Variants in CRPPA observed in about 807,000 individuals in gnomAD.
The protein encoded by CRPPA is D-ribitol-5-phosphate cytidylyltransferase.
In CRPPA, 43 loss-of-function variants were observed where a neutral mutation model predicts 52.0. The observed-to-expected ratio is 0.83, with a 90% CI of 0.65 to 1.07. CRPPA has a LOEUF of 1.07. Ranked by LOEUF, CRPPA falls within the 50% of genes least tolerant of loss-of-function variation. The probability of loss-of-function intolerance (pLI) is 0.00; values close to 1 mark genes in which losing one functional copy is unlikely to be tolerated. For synonymous variants in CRPPA, 250 were observed against 203.5 expected, an observed-to-expected ratio of 1.23 and a Z score of -1.94; for missense variants, 629 against 551.7, an observed-to-expected ratio of 1.14 and a Z score of -1.40.
intron 3 of CRPPA, among the ~76,000 whole-genome samples, chr7:16,333,149 G>T (rs973858291): frequency 6.6e-6 from 1 of 152,110 alleles, no homozygotes; most frequent in African/African-American, 2.4e-5. Flanking sequence ...ATAACTAGAT[G>T]AATAAACTGT....
At chr7:16,154,268 G>A (rs1783131571) in intron 9 of CRPPA, among the ~76,000 whole-genome samples, 1 of 152,096 alleles carries the variant, frequency 6.6e-6, no homozygotes, top group Non-Finnish European at 1.5e-5. Flanking sequence ...GGCAGAGCGT[G>A]CAGGTTTGTT....
At position 16,119,444 on chromosome 7, in the gene CRPPA, C is replaced by T. The variant is rs369542196; in HGVS notation, c.1252-27645G>A. ...AACAGCTAAGAAATAAAAAAACAAA[C>T]AAAAAAGAAAGCAAAAAATAAGGTG... On this transcript the variant is annotated intron_variant, in intron 9 of 9. Coordinates refer to ENST00000407010, the MANE Select transcript of CRPPA (RefSeq NM_001101426.4). 2.0e-5 allele frequency among the ~76,000 whole-genome samples: 3 copies of T among 150,086 alleles called. No homozygotes were observed. In the East Asian group the frequency reaches 6.0e-4, roughly 30 times the overall value.
Position 16,090,734 on chromosome 7 carries a change from AAAAT to A in CRPPA, c.*957_*960del, listed in dbSNP as rs1393026068. On this transcript the variant is annotated 3_prime_UTR_variant, in exon 10 of 10. Coordinates refer to ENST00000407010, the MANE Select transcript of CRPPA (RefSeq NM_001101426.4). The stretch of plus-strand genomic sequence containing the variant: ...ACTGCATTTCAAAACAATAAAAAAT[AAAAT>A]AAATAGAGTAAGTGTATGTATAGAT... The A allele has an allele frequency of 6.6e-6, 1 of 152,220 alleles. No individual in the cohort carries two copies. Among genetic ancestry groups the A allele is most frequent in the Non-Finnish European group, 1.5e-5 (1 of 68,014 alleles). The allele number at this position is 152,220 out of a possible 1,614,324, so 9.4% of individuals were successfully genotyped here.
chr7:16,262,007 T>C (rs1452896355), intron 6 of CRPPA: 1 of 152,168 alleles, frequency 6.6e-6, no homozygotes, highest in Non-Finnish European at 1.5e-5. Context: ...TATATGAGGT[T>C]GGACTATCCT....
At chr7:16,311,650 G>A (rs1457673850) in intron 3 of CRPPA, among the ~76,000 whole-genome samples, 1 of 152,098 alleles carries the variant, frequency 6.6e-6, no homozygotes, top group East Asian at 1.9e-4. Flanking sequence ...GGGTTTTAAT[G>A]TGGACATAAC....
At chr7:16,266,749 G>C (rs1355867086) in intron 6 of CRPPA, among the ~76,000 whole-genome samples, 1 of 152,128 alleles carries the variant, frequency 6.6e-6, no homozygotes, top group Admixed American at 6.5e-5. Flanking sequence ...AAAGTGCTGG[G>C]ATTACAGGCA....
chr7:16,311,164 A>G (rs976937536), intron 3 of CRPPA, among the ~76,000 whole-genome samples: 2 of 152,128 alleles, frequency 1.3e-5, no homozygotes, highest in East Asian at 3.9e-4. Flanking sequence ...TAGCATCAAT[A>G]AACCTACATT....
At position 16,299,798 on chromosome 7, in the gene CRPPA, C is replaced by G. The variant is rs74347979; in HGVS notation, c.835+1623G>C. ...AAAAGCCATTTCTGCAAACAATTTCCAAAGTCATAGCCCCTGCAATAACAC... is the reference window on the plus strand; with the variant it reads ...AAAAGCCATTTCTGCAAACAATTTCGAAAGTCATAGCCCCTGCAATAACAC... On this transcript the variant is annotated intron_variant, in intron 5 of 9. Transcript: ENST00000407010. Among the ~76,000 whole-genome samples, 552 of 152,224 alleles carry G rather than the reference C, an allele frequency of 3.6e-3. 21 individuals carry two copies. The East Asian group carries it at 0.087, about 24-fold the overall frequency.
chr7:16,121,443 A>G (rs1385885313), intron 9 of CRPPA, among the ~76,000 whole-genome samples: 1 of 152,098 alleles, frequency 6.6e-6, no homozygotes, highest in Non-Finnish European at 1.5e-5. Context: ...TATGTTTACA[A>G]TGTGAATACA....
At chr7:16,353,478 A>G (rs536506242) in intron 3 of CRPPA, among the ~76,000 whole-genome samples, 17 of 152,338 alleles carry the variant, frequency 1.1e-4, no homozygotes, top group Non-Finnish European at 2.2e-4. Flanking sequence ...CAAGAGGAAG[A>G]ACTTCTGGTG....
At chr7:16,156,715 C>T (rs2128380609) in intron 9 of CRPPA, among the ~76,000 whole-genome samples, 1 of 152,258 alleles carries the variant, frequency 6.6e-6, no homozygotes, top group Admixed American at 6.5e-5. Context: ...GCAAGAAATC[C>T]AGTCTTCATG....
At chr7:16,324,981 A>G (rs937973505) in intron 3 of CRPPA, among the ~76,000 whole-genome samples, 1 of 152,186 alleles carries the variant, frequency 6.6e-6, no homozygotes, top group African/African-American at 2.4e-5. Flanking sequence ...GTTTCTTGTC[A>G]TTCCCTGCCT....
chr7:16,118,634 T>C (rs1351227307), intron 9 of CRPPA, among the ~76,000 whole-genome samples: 3 of 152,158 alleles, frequency 2.0e-5, no homozygotes, highest in Non-Finnish European at 2.9e-5. Flanking sequence ...TAGGACTGCC[T>C]GGGATTCCTT....
At chr7:16,279,507 C>T (rs778415295) in intron 5 of CRPPA, among the ~76,000 whole-genome samples, 3 of 151,904 alleles carry the variant, frequency 2.0e-5, no homozygotes, top group Non-Finnish European at 4.4e-5. Flanking sequence ...GGATTCAAAT[C>T]CAAAAAAATA....
intron 6 of CRPPA, among the ~76,000 whole-genome samples, chr7:16,265,382 G>A (rs1052437336): frequency 7.9e-5 from 12 of 152,186 alleles, no homozygotes; most frequent in African/African-American, 2.9e-4. Flanking sequence ...AAAAGGACTG[G>A]TGCTTCCCTC....
At chr7:16,391,850 A>T (rs1044293203) in intron 2 of CRPPA, among the ~76,000 whole-genome samples, 1 of 152,182 alleles carries the variant, frequency 6.6e-6, no homozygotes, top group African/African-American at 2.4e-5. Flanking sequence ...TCTTAGAGAT[A>T]CTGATTAGGC....
rs1387328554 is a variant in CRPPA, at chr7:16,089,618, T to C, written c.*2077A>G. On this transcript the variant is annotated 3_prime_UTR_variant, in exon 10 of 10. Coordinates refer to ENST00000407010, the MANE Select transcript of CRPPA (RefSeq NM_001101426.4). The stretch of plus-strand genomic sequence containing the variant: ...ATACATATATATGGGTATACATACA[T>C]GTATATGTATGTATGTATTTTTTTT... 9.6e-6 allele frequency: 2 copies of C among 208,720 alleles called. No individual in the cohort carries two copies. Among genetic ancestry groups the C allele is most frequent in the Non-Finnish European group, 2.1e-5 (2 of 95,646 alleles). The allele number at this position is 208,720 out of a possible 1,614,324, so 12.9% of individuals were successfully genotyped here. A position where few individuals can be genotyped will look rare whatever the true frequency, so the allele number is the denominator to read the frequency against.
intron 3 of CRPPA, among the ~76,000 whole-genome samples, chr7:16,368,591 G>T (rs948450517): frequency 1.1e-4 from 17 of 152,132 alleles, no homozygotes; most frequent in Non-Finnish European, 1.8e-4. Context: ...CTTACAAACA[G>T]GCATATATAG....
At chr7:16,214,607 T>G (rs1361064678) in intron 9 of CRPPA, among the ~76,000 whole-genome samples, 1 of 152,048 alleles carries the variant, frequency 6.6e-6, no homozygotes, top group Non-Finnish European at 1.5e-5. Flanking sequence ...CAGATTCAAG[T>G]GATTCTCCCA....
Sources: allele counts gnomAD v4.1 joint callset (sites outside exome capture counted in the v4.1 genomes callset), GRCh38; gene constraint gnomAD v4.1.1; transcripts MANE v1.5; gene names NCBI Gene and HGNC (gene_info 2026-07-23, HGNC 2026-07-21).